Variants in MCF2L observed in about 807,000 individuals in gnomAD.
The protein encoded by MCF2L is MCF.2 cell line derived transforming sequence like.
A neutral mutation model predicts 153.4 loss-of-function variants in MCF2L; 97 were observed. The ratio of observed to expected loss-of-function variants is 0.63; its 90% CI spans 0.54 to 0.75. The LOEUF (loss-of-function observed/expected upper bound fraction) is 0.75, where lower values mean the gene tolerates loss of function less well. MCF2L is among the 30% of genes least tolerant of loss of function. The pLI, the probability that MCF2L is intolerant of heterozygous loss-of-function variation, is 0.00. For synonymous variants in MCF2L, 659 were observed against 632.2 expected (o/e 1.04, Z -0.64); for missense variants, 1,347 against 1,495.2 (o/e 0.90, Z 1.64).
chr13:113,077,738 C>T (rs1011514938), intron 13 of MCF2L, among the ~76,000 whole-genome samples: 5 of 152,188 alleles, frequency 3.3e-5, no homozygotes, highest in Admixed American at 6.5e-5. Flanking sequence ...GAGCCAGGCA[C>T]GGCGCCATTT....
chr13:113,000,979 G>A (rs1393887977), intron 1 of MCF2L, among the ~76,000 whole-genome samples: 4 of 152,340 alleles, frequency 2.6e-5, no homozygotes, highest in South Asian at 2.1e-4. Context: ...GGAGATGTGC[G>A]TTGGTCCCCT....
intron 1 of MCF2L, among the ~76,000 whole-genome samples, chr13:113,004,220 G>A (rs1385787741): frequency 6.6e-6 from 1 of 152,188 alleles, no homozygotes; most frequent in Non-Finnish European, 1.5e-5. Flanking sequence ...CTACATAGAG[G>A]CCACCTGGCG....
At position 113,045,350 on chromosome 13, in the gene MCF2L, C is replaced by T. The variant is rs1189669589; in HGVS notation, c.358C>T (p.Leu120=). Residue 120 remains leucine (L), a synonymous_variant, in exon 4 of 30, where the codon CTG becomes TTG. Transcript: ENST00000535094. The surrounding 1 kb of genome is among the most constrained non-coding windows in gnomAD (Gnocchi z 4.2). ...DKWTSVKASV[L]RIAASFPANL... ...ATGGACCTCCGTGAAGGCGTCCGTCCTGCGCATCGCAGTAAGTGCCACCCG... is the reference window on the plus strand; with the variant it reads ...ATGGACCTCCGTGAAGGCGTCCGTCTTGCGCATCGCAGTAAGTGCCACCCG... The T allele has an allele frequency of 5.0e-6, 8 of 1,613,892 alleles. No individual in the cohort carries two copies. The highest frequency in any genetic ancestry group is 1.6e-4 in the Middle Eastern group (1 of 6,062).
At chr13:113,010,011 G>A (rs544626746) in intron 1 of MCF2L, 6 of 152,092 alleles carry the variant, frequency 3.9e-5, no homozygotes, top group South Asian at 2.1e-4. Context: ...CTCTGCCCAC[G>A]GTCACCAGTG....
At chr13:112,987,709 C>G (rs1229846994) in intron 1 of MCF2L, among the ~76,000 whole-genome samples, 2 of 152,258 alleles carry the variant, frequency 1.3e-5, no homozygotes, top group African/African-American at 4.8e-5. Context: ...CTCCCTCGCC[C>G]CCATCCGGCC....
chr13:112,926,238 A>G (rs886632249), intron 2 of MCF2L, among the ~76,000 whole-genome samples: 1 of 151,708 alleles, frequency 6.6e-6, no homozygotes, highest in Non-Finnish European at 1.5e-5. Flanking sequence ...GGCCTAATCT[A>G]TATACACAGC....
intron 25 of MCF2L, among the ~76,000 whole-genome samples, chr13:113,089,034 T>G (rs1452128886): frequency 6.6e-6 from 1 of 152,248 alleles, no homozygotes; most frequent in Non-Finnish European, 1.5e-5. Context: ...TGTTTTTTCT[T>G]TATTTTGTTC....
rs544536750 is a variant in MCF2L at position 113,053,726 on chromosome 13, G to A, written c.370-6867G>A. On this transcript the variant is annotated intron_variant, in intron 4 of 29. Transcript: ENST00000535094. This position sits in a 1 kb window ranked among gnomAD's most constrained non-coding sequence, Gnocchi z 4.4. ...GGGGAGCAGCAGGTGCCTGGCGTCT[G>A]CATCCACACCTGCCTGGAGCCTCCT... Among the ~76,000 whole-genome samples the A allele has an allele frequency of 3.3e-5, 5 of 152,194 alleles. No individual in the cohort carries two copies. Among genetic ancestry groups the A allele is most frequent in the Non-Finnish European group, 7.4e-5 (5 of 68,024 alleles).
At chr13:113,016,766 G>A (rs1003806339) in intron 2 of MCF2L, among the ~76,000 whole-genome samples, 4 of 152,130 alleles carry the variant, frequency 2.6e-5, no homozygotes, top group Non-Finnish European at 5.9e-5. Context: ...TGGCTGGCCC[G>A]GCCCCTCAGG....
chr13:113,030,081 A>G (rs949126945), intron 3 of MCF2L, among the ~76,000 whole-genome samples: 4 of 152,242 alleles, frequency 2.6e-5, no homozygotes, highest in Non-Finnish European at 4.4e-5. Flanking sequence ...TTTTTGGAAT[A>G]TTAGACTGAA....
In MCF2L at chr13:113,046,504, C is replaced by CGGTGGCT; in HGVS notation, c.369+1145_369+1151dup. 1 of 528,148 alleles carries CGGTGGCT rather than the reference C, an allele frequency of 1.9e-6. No individual in the cohort carries two copies. The highest frequency in any genetic ancestry group is 1.4e-5 in the South Asian group (1 of 71,256). 32.7% of individuals were successfully genotyped at this position (528,148 alleles called of 1,614,324 possible). The stretch of plus-strand genomic sequence containing the variant: ...ACTACCTTTGGGTTCCCCAGCCTCT[C>CGGTGGCT]GGTGGCTGCTGGCTGGTGCGCCAAG... On this transcript the variant is annotated intron_variant, in intron 4 of 29. Coordinates refer to ENST00000535094, the MANE Select transcript of MCF2L (RefSeq NM_001112732.3). This position sits in a 1 kb window ranked among gnomAD's most constrained non-coding sequence, Gnocchi z 4.4.
chr13:113,088,752 C>A lies in MCF2L; in HGVS notation c.2834+124C>A, dbSNP rs140003839. The A allele has an allele frequency of 9.8e-5, 98 of 1,002,598 alleles. No homozygotes were observed. The African/African-American group carries it at 1.5e-3, about 15-fold the overall frequency. The allele number at this position is 1,002,598 out of a possible 1,614,324, so 62.1% of individuals were successfully genotyped here. On this transcript the variant is annotated intron_variant, in intron 25 of 29. Coordinates refer to ENST00000535094, the MANE Select transcript of MCF2L (RefSeq NM_001112732.3). ...TGGTTATTGGGGTTTTCCTTGAGGCCCCTGGTGTTTATGTGCTGACGGGTC... is the reference window on the plus strand; with the variant it reads ...TGGTTATTGGGGTTTTCCTTGAGGCACCTGGTGTTTATGTGCTGACGGGTC...
intron 2 of MCF2L, among the ~76,000 whole-genome samples, chr13:112,925,269 T>C (rs1047227873): frequency 1.3e-5 from 2 of 152,210 alleles, no homozygotes; most frequent in African/African-American, 2.4e-5. Flanking sequence ...AGAAGTGGGA[T>C]ACCAGTGCTC....
At chr13:113,092,488 G>C (rs2035304151) in intron 26 of MCF2L, among the ~76,000 whole-genome samples, 1 of 152,250 alleles carries the variant, frequency 6.6e-6, no homozygotes, top group Non-Finnish European at 1.5e-5. Flanking sequence ...TCGAAGCCGG[G>C]CCACTGCCCG....
Position 112,929,744 on chromosome 13 carries a change from C to T in MCF2L, c.169+27373C>T, listed in dbSNP as rs140685995. Among the ~76,000 whole-genome samples the T allele has an allele frequency of 2.5e-3, 382 of 152,326 alleles. 1 individual carries two copies. Among genetic ancestry groups the T allele is most frequent in the African/African-American group, 8.8e-3 (364 of 41,558 alleles). ...CTCTTCTGCAGAAAGCAGATGATGACGCCTGCATCACGGACTGCATGGTCG... is the reference window on the plus strand; with the variant it reads ...CTCTTCTGCAGAAAGCAGATGATGATGCCTGCATCACGGACTGCATGGTCG... On this transcript the variant is annotated intron_variant, in intron 2 of 29. Transcript: ENST00000375608.
chr13:113,070,220 G>T lies in MCF2L; in HGVS notation c.996+47G>T. On this transcript the variant is annotated intron_variant, in intron 9 of 29. Coordinates refer to ENST00000535094, the MANE Select transcript of MCF2L (RefSeq NM_001112732.3). This position sits in a 1 kb window ranked among gnomAD's most constrained non-coding sequence, Gnocchi z 5.6. ...CGGCAGCCGCCCTGATGCTCACGGGGCCTCCTGTGCCTGCGCCCTGGTCCC... is the reference window on the plus strand; with the variant it reads ...CGGCAGCCGCCCTGATGCTCACGGGTCCTCCTGTGCCTGCGCCCTGGTCCC... 7.7e-7 allele frequency: 1 copy of T among 1,292,028 alleles called. No homozygotes were observed. The highest frequency in any genetic ancestry group is 1.1e-6 in the Non-Finnish European group (1 of 943,188). 80.0% of individuals were successfully genotyped at this position (1,292,028 alleles called of 1,614,324 possible). A position where few individuals can be genotyped will look rare whatever the true frequency, so the allele number is the denominator to read the frequency against.
intron 1 of MCF2L, among the ~76,000 whole-genome samples, chr13:112,992,394 C>T (rs1478821336): frequency 6.6e-6 from 1 of 152,214 alleles, no homozygotes; most frequent in Non-Finnish European, 1.5e-5. Context: ...TTCCTGATGT[C>T]ATGAGGCCCA....
chr13:112,952,932 A>G (rs1319002504), intron 2 of MCF2L, among the ~76,000 whole-genome samples: 1 of 152,144 alleles, frequency 6.6e-6, no homozygotes, highest in African/African-American at 2.4e-5. Context: ...GTGATCAGCC[A>G]CAAAGCAGGC....
In MCF2L at chr13:113,052,272, C is replaced by T. The variant is rs1013577896; in HGVS notation, c.369+6911C>T. On this transcript the variant is annotated intron_variant, in intron 4 of 29. Coordinates refer to ENST00000535094, the MANE Select transcript of MCF2L (RefSeq NM_001112732.3). ...AGCTCTGAGACCCGGGCTCGCTCAG[C>T]GGTTTTTTCTCGCAGAGAAGAGGAA... Among the ~76,000 whole-genome samples the T allele has an allele frequency of 4.6e-5, 7 of 152,300 alleles. No homozygotes were observed. In the East Asian group the frequency reaches 5.8e-4, roughly 13 times the overall value.
Sources: gnomAD v4.1 joint callset for allele counts (sites outside exome capture counted in the v4.1 genomes callset) on GRCh38, gnomAD v4.1.1 for gene constraint, Gnocchi (gnomAD v3.1) non-coding constraint, MANE v1.5 for transcripts, NCBI Gene and HGNC (gene_info 2026-07-23, HGNC 2026-07-21) for gene names.